Variants in KANSL1L observed in about 807,000 individuals in gnomAD.
KANSL1L encodes the protein KAT8 regulatory NSL complex subunit 1-like protein.
KANSL1L carries 25 observed loss-of-function variants against 108.6 expected under a neutral mutation model. The ratio of observed to expected loss-of-function variants is 0.23; its 90% CI spans 0.17 to 0.32. The LOEUF is 0.32. Among genes scored for constraint, KANSL1L ranks in the 10% least tolerant of loss-of-function variants. KANSL1L has a pLI of 1.00. For missense variants in KANSL1L, 1,137 were observed against 1,125.7 expected (o/e 1.01, Z -0.14); for synonymous variants, 405 against 395.1 (o/e 1.03, Z -0.30).
intron 3 of KANSL1L, among the ~76,000 whole-genome samples, chr2:210,121,984 G>A (rs2095025433): frequency 6.6e-6 from 1 of 152,076 alleles, no homozygotes; most frequent in African/African-American, 2.4e-5. Context: ...CCAAAGAACT[G>A]AAAGTTCTCA....
intron 2 of KANSL1L, among the ~76,000 whole-genome samples, chr2:210,141,841 T>C (rs1451564311): frequency 6.6e-6 from 1 of 152,214 alleles, no homozygotes; most frequent in Non-Finnish European, 1.5e-5. Context: ...GTTAATGTGG[T>C]GTATCCTACT....
At chr2:210,043,887 G>A (rs768496831) in intron 7 of KANSL1L, 52 bp downstream of exon 7, 5 of 1,238,848 alleles carry the variant, frequency 4.0e-6, no homozygotes, top group Non-Finnish European at 5.6e-6. Flanking sequence ...TAGAGGATTA[G>A]ATTTCAGTAC....
chr2:210,141,592 T>G (rs980962853), intron 2 of KANSL1L, among the ~76,000 whole-genome samples: 4 of 152,060 alleles, frequency 2.6e-5, no homozygotes, highest in Non-Finnish European at 5.9e-5. Context: ...GTAAAATAAT[T>G]TCTGTTGTTA....
intron 1 of KANSL1L, among the ~76,000 whole-genome samples, chr2:210,161,273 C>A (rs986167524): frequency 4.6e-5 from 7 of 152,116 alleles, no homozygotes; most frequent in African/African-American, 1.7e-4. Flanking sequence ...CAGGGGTGAG[C>A]CACTGCGCCT....
intron 6 of KANSL1L, among the ~76,000 whole-genome samples, chr2:210,074,575 G>A (rs1053519538): frequency 3.9e-5 from 6 of 152,036 alleles, no homozygotes; most frequent in Non-Finnish European, 7.4e-5. Context: ...GGCCAGTCTC[G>A]AACTCTTGAC....
chr2:210,104,177 T>A lies in KANSL1L; in HGVS notation c.1355A>T (p.Asp452Val). Residue 452 changes from aspartate to valine, a missense_variant, in exon 4 of 15, where the codon GAT (aspartate) becomes GTT (valine). Asp to Val is a radical substitution (Grantham distance 152, BLOSUM62 -3). Around this residue, in one of 3 missense-constraint regions of KANSL1L, gnomAD observed 556 missense variants for 537.7 expected, o/e 1.03. Coordinates refer to ENST00000281772, the MANE Select transcript of KANSL1L (RefSeq NM_152519.4). ...TTCAAAATCTTGTTCCGGTACAGGA[T>A]CTTGACACTCCTGGGGAACCTGAGG... ...GNPQVPQECQDPVPEQDFEMS... is the reference protein window; with the variant it reads ...GNPQVPQECQVPVPEQDFEMS... The A allele has an allele frequency of 1.1e-5, 17 of 1,613,980 alleles. No homozygotes were observed. In the Middle Eastern group the frequency reaches 2.8e-3, roughly 266 times the overall value.
chr2:210,090,550 G>T (rs964881401), intron 5 of KANSL1L, among the ~76,000 whole-genome samples: 2 of 152,072 alleles, frequency 1.3e-5, no homozygotes, highest in African/African-American at 4.8e-5. Context: ...TTTTTGGGGG[G>T]TTTTTGAGAC....
chr2:210,031,075 T>A (rs997669380), intron 9 of KANSL1L: 5 of 189,802 alleles, frequency 2.6e-5, no homozygotes, highest in Non-Finnish European at 5.3e-5. Flanking sequence ...CCACAGTAGG[T>A]ACCATAAATG....
At chr2:210,032,058 A>C (rs962384195) in intron 8 of KANSL1L, 12 of 152,368 alleles carry the variant, frequency 7.9e-5, no homozygotes, top group Admixed American at 7.8e-4. Context: ...AAAGTGTCTG[A>C]TGTGATAAGT....
chr2:210,088,195 A>C (rs1365018524), intron 5 of KANSL1L: 2 of 152,226 alleles, frequency 1.3e-5, no homozygotes, highest in African/African-American at 4.8e-5. Flanking sequence ...TTATCAAAAA[A>C]ATTAAGTTCA....
intron 6 of KANSL1L, among the ~76,000 whole-genome samples, chr2:210,045,106 G>T (rs1219713542): frequency 6.6e-6 from 1 of 152,046 alleles, no homozygotes; most frequent in African/African-American, 2.4e-5. Context: ...ACCAAGCTAA[G>T]GTTATTCTTG....
At chr2:210,031,267 T>C (rs1372235896) in intron 9 of KANSL1L, 154 bp downstream of exon 9, 1 of 557,970 alleles carries the variant, frequency 1.8e-6, no homozygotes, top group Non-Finnish European at 3.1e-6. Context: ...CTAAATTAAC[T>C]ACGAATATGC....
chr2:210,138,296 T>C (rs775165424), intron 2 of KANSL1L, among the ~76,000 whole-genome samples: 4 of 151,838 alleles, frequency 2.6e-5, no homozygotes, highest in Admixed American at 2.0e-4. Flanking sequence ...ATGGCAACGA[T>C]AGACACTGGG....
rs187068855 is a variant in KANSL1L, at chr2:210,160,115, A to T, written c.-29-5504T>A. On this transcript the variant is annotated intron_variant, in intron 1 of 14. Coordinates refer to ENST00000281772, the MANE Select transcript of KANSL1L (RefSeq NM_152519.4). ...CATATGATGTCAATAAATGGAGAAA[A>T]AGCATTTGACAAAATTCAATATCCA... Among the ~76,000 whole-genome samples the T allele has an allele frequency of 7.2e-5, 11 of 152,370 alleles. No individual in the cohort carries two copies. In the East Asian group the frequency reaches 2.1e-3, roughly 29 times the overall value.
chr2:210,030,297 C>G (rs1032532522), intron 9 of KANSL1L, among the ~76,000 whole-genome samples: 5 of 152,044 alleles, frequency 3.3e-5, no homozygotes, highest in Non-Finnish European at 7.4e-5. Flanking sequence ...TGTGAGGTAT[C>G]TGTCCTTGGT....
At chr2:210,129,878 T>C (rs2095104292) in intron 2 of KANSL1L, among the ~76,000 whole-genome samples, 1 of 151,900 alleles carries the variant, frequency 6.6e-6, no homozygotes, top group Admixed American at 6.6e-5. Context: ...GGTTGATTCC[T>C]AGCTCCTCCT....
chr2:210,128,273 A>G (rs2095087218), intron 3 of KANSL1L, among the ~76,000 whole-genome samples: 1 of 152,218 alleles, frequency 6.6e-6, no homozygotes, highest in Non-Finnish European at 1.5e-5. Flanking sequence ...GTTTACCCCA[A>G]AGAATTGAAA....
At position 210,153,919 on chromosome 2, in the gene KANSL1L, C is replaced by T. The variant is rs144940906; in HGVS notation, c.664G>A (p.Ala222Thr). ...TTGCTTACACAATGAAGTAAACGAG[C>T]ATGTACTTCCTCCTCTTTTTCAGCA... ...SAAEKEEEVH[A>T]RLLHCVSKQK... is the part of the protein sequence containing the mutation. Residue 222 changes from alanine to threonine, a missense_variant, in exon 2 of 15, where the codon GCT becomes ACT. Ala to Thr is a moderately conservative substitution (Grantham distance 58). Transcript: ENST00000281772. The T allele has an allele frequency of 1.6e-3, 2,612 of 1,613,466 alleles. 4 individuals are homozygous for T. Among genetic ancestry groups the T allele is most frequent in the Admixed American group, 2.1e-3 (127 of 59,984 alleles).
In KANSL1L at chr2:210,044,059, G is replaced by C. The variant is rs764392124; in HGVS notation, c.1801C>G (p.Pro601Ala). 1 of 1,608,512 alleles carries C rather than the reference G, an allele frequency of 6.2e-7. No individual in the cohort carries two copies. Among genetic ancestry groups the C allele is most frequent in the African/African-American group, 1.3e-5 (1 of 74,764 alleles). ...ETAFLNTTQM[P>A]CLQSASTWSS... Reference sequence around the variant, plus strand: ...CAAGTTGAAGCTGATTGCAGGCAAGGCATTTGTGTAGTGTTTAAAAATGCT... The same window carrying C: ...CAAGTTGAAGCTGATTGCAGGCAAGCCATTTGTGTAGTGTTTAAAAATGCT... The change falls in exon 7 of 15, where the codon CCT (proline) becomes GCT (alanine). Residue 601 changes from proline (P) to alanine (A), a missense_variant. By Grantham distance (27) the Pro-to-Ala change is conservative. Transcript: ENST00000281772. The surrounding 1 kb of genome is among the most constrained non-coding windows in gnomAD (Gnocchi z 4.2).
Sources: gnomAD v4.1 joint callset for allele counts (sites outside exome capture counted in the v4.1 genomes callset) on GRCh38, gnomAD v4.1.1 for gene constraint, gnomAD v4.1.1 regional missense constraint, Gnocchi (gnomAD v3.1) non-coding constraint, MANE v1.5 for transcripts, NCBI Gene and HGNC (gene_info 2026-07-23, HGNC 2026-07-21) for gene names.